Variants in PBX3 observed in about 807,000 individuals in gnomAD.
The protein encoded by PBX3 is pre-B-cell leukemia transcription factor 3.
A neutral mutation model predicts 48.5 loss-of-function variants in PBX3; 14 were observed. That is an observed-to-expected ratio of 0.29 (90% CI 0.19 to 0.45). The LOEUF is 0.45. PBX3 is among the 20% of genes least tolerant of loss of function. The pLI, the probability that PBX3 is intolerant of heterozygous loss-of-function variation, is 1.00. For synonymous variants in PBX3, 210 were observed against 200.3 expected, an observed-to-expected ratio of 1.05 and a Z score of -0.41; for missense variants, 386 against 546.7, an observed-to-expected ratio of 0.71 and a Z score of 2.93.
chr9:125,904,915 A>G (rs1841034929), intron 2 of PBX3, among the ~76,000 whole-genome samples: 1 of 151,936 alleles, frequency 6.6e-6, no homozygotes, highest in South Asian at 2.1e-4. Context: ...CCTGGAGCTT[A>G]TCCATCCTCT....
rs562357405 is a variant in PBX3 at position 125,780,377 on chromosome 9, C to T, written c.274+31754C>T. On this transcript the variant is annotated intron_variant, in intron 2 of 8. Transcript: ENST00000373489. ...TGGCTGGGCGGGGAGCTGACCCCAC[C>T]TCCCTCCCAGACGGGGCGGCTGGCC... 6.8e-5 allele frequency among the ~76,000 whole-genome samples: 9 copies of T among 132,096 alleles called. No homozygotes were observed. The South Asian group carries it at 2.2e-3, about 32-fold the overall frequency. The allele number at this position is 132,096 out of a possible 152,430, so 86.7% of individuals were successfully genotyped here.
At chr9:125,848,236 G>A (rs1383589558) in intron 2 of PBX3, among the ~76,000 whole-genome samples, 2 of 152,022 alleles carry the variant, frequency 1.3e-5, no homozygotes, top group African/African-American at 2.4e-5. Context: ...CAGTTCTCTG[G>A]ATTAGTACAT....
intron 2 of PBX3, chr9:125,749,526 C>T (rs992346250): frequency 6.7e-6 from 1 of 149,996 alleles, no homozygotes; most frequent in Non-Finnish European, 1.5e-5. Flanking sequence ...ATTAAACAAG[C>T]TCTACTGTTT....
intron 2 of PBX3, among the ~76,000 whole-genome samples, chr9:125,902,149 A>G (rs1840961075): frequency 6.6e-6 from 1 of 151,610 alleles, no homozygotes; most frequent in Non-Finnish European, 1.5e-5. Context: ...ATATTTATGC[A>G]AAGATGTTTG....
chr9:125,785,678 T>C (rs1837438906), intron 2 of PBX3, among the ~76,000 whole-genome samples: 1 of 152,262 alleles, frequency 6.6e-6, no homozygotes, highest in South Asian at 2.1e-4. Context: ...CCCTAATAAA[T>C]TCTCTTTCAT....
chr9:125,762,957 T>C (rs1836708350), intron 2 of PBX3, among the ~76,000 whole-genome samples: 1 of 152,190 alleles, frequency 6.6e-6, no homozygotes, highest in African/African-American at 2.4e-5. Context: ...TAGCCTTTAG[T>C]GCCTAGTCAA....
chr9:125,849,366 TAA>T (rs879292753), intron 2 of PBX3, among the ~76,000 whole-genome samples: 1 of 144,324 alleles, frequency 6.9e-6, no homozygotes. Flanking sequence ...ATGGTGGATT[TAA>T]AAAAAAAAAA....
chr9:125,789,420 C>A (rs1837540982), intron 2 of PBX3, among the ~76,000 whole-genome samples: 1 of 152,180 alleles, frequency 6.6e-6, no homozygotes, highest in Admixed American at 6.5e-5. Context: ...GTTTGCCTCT[C>A]TGCTCACTCA....
At chr9:125,793,064 AT>A (rs1837658326) in intron 2 of PBX3, among the ~76,000 whole-genome samples, 1 of 151,822 alleles carries the variant, frequency 6.6e-6, no homozygotes, top group South Asian at 2.1e-4. Flanking sequence ...TTTTAAAAAA[AT>A]ATATTGGCCA....
At chr9:125,929,950 A>C in intron 4 of PBX3, 105 bp downstream of exon 4, 1 of 827,520 alleles carries the variant, frequency 1.2e-6, no homozygotes, top group Non-Finnish European at 2.0e-6. Context: ...TTTTGGCCAT[A>C]TGAGTCTTTT....
At chr9:125,794,294 C>T (rs147899466) in intron 2 of PBX3, among the ~76,000 whole-genome samples, 1 of 152,312 alleles carries the variant, frequency 6.6e-6, no homozygotes, top group East Asian at 1.9e-4. Context: ...GATACTCACA[C>T]CCCACCTCAG....
At chr9:125,792,987 C>T (rs914822335) in intron 2 of PBX3, among the ~76,000 whole-genome samples, 9 of 151,832 alleles carry the variant, frequency 5.9e-5, no homozygotes, top group Non-Finnish European at 1.2e-4. Flanking sequence ...CGTGAGCCAC[C>T]GCGCCCGGCC....
intron 2 of PBX3, among the ~76,000 whole-genome samples, chr9:125,867,805 CACATATATATATACACAT>C (rs1325774067): frequency 2.0e-5 from 3 of 151,566 alleles, no homozygotes; most frequent in Non-Finnish European, 4.4e-5. Context: ...CATATATATA[CACATATATATATACACAT>C]ACATATATAT....
chr9:125,928,892 T>G (rs1210335678), intron 3 of PBX3, among the ~76,000 whole-genome samples: 1 of 151,796 alleles, frequency 6.6e-6, no homozygotes, highest in East Asian at 1.9e-4. Context: ...TACAGCTAAA[T>G]TATAATAGGT....
intron 2 of PBX3, among the ~76,000 whole-genome samples, chr9:125,901,592 G>A (rs1840947343): frequency 6.6e-6 from 1 of 151,688 alleles, no homozygotes; most frequent in South Asian, 2.1e-4. Context: ...ATAAATAAAA[G>A]GAGATTGAGC....
rs760182020 is a variant in PBX3, at chr9:125,915,930, C to T, written c.516+3C>T. On this transcript the variant is annotated splice_donor_region_variant and intron_variant, in intron 3 of 8. Coordinates refer to ENST00000373489, the MANE Select transcript of PBX3 (RefSeq NM_006195.6). ...CAGAACTGGAGAAATATGAACAGGT[C>T]AGCAGCCGCCACTCTCATAGTCCTA... is the stretch of plus-strand genomic sequence containing the variant. 1 of 1,611,172 alleles carries T rather than the reference C, an allele frequency of 6.2e-7. No homozygotes were observed. The highest frequency in any genetic ancestry group is 1.1e-5 in the South Asian group (1 of 90,856).
intron 8 of PBX3, among the ~76,000 whole-genome samples, chr9:125,965,438 T>C (rs977974192): frequency 6.6e-6 from 1 of 152,204 alleles, no homozygotes; most frequent in African/African-American, 2.4e-5. Flanking sequence ...GAAATGATGA[T>C]TAAGCCGGGG....
In PBX3 at chr9:125,747,432, G is replaced by T; in HGVS notation, c.-22G>T. The T allele has an allele frequency of 7.9e-7, 1 of 1,267,046 alleles. No homozygotes were observed. Among genetic ancestry groups the T allele is most frequent in the Non-Finnish European group, 1.0e-6 (1 of 984,196 alleles). 78.5% of individuals were successfully genotyped at this position (1,267,046 alleles called of 1,614,324 possible). A position where few individuals can be genotyped will look rare whatever the true frequency, so the allele number is the denominator to read the frequency against. On this transcript the variant is annotated 5_prime_UTR_variant, in exon 1 of 9. Coordinates refer to ENST00000373489, the MANE Select transcript of PBX3 (RefSeq NM_006195.6). The stretch of plus-strand genomic sequence containing the variant: ...TCAGCCTTCGCCTCAGCCGCCGCCC[G>T]CTCCCGCCCGCGCGCGGCGGGATGG...
intron 2 of PBX3, among the ~76,000 whole-genome samples, chr9:125,823,642 A>G (rs1184305876): frequency 1.3e-5 from 2 of 152,148 alleles, no homozygotes; most frequent in Admixed American, 1.3e-4. Flanking sequence ...CTTTTTTAAA[A>G]AAAGAAAGAA....
Sources: gnomAD v4.1 joint callset for allele counts (sites outside exome capture counted in the v4.1 genomes callset) on GRCh38, gnomAD v4.1.1 for gene constraint, MANE v1.5 for transcripts, NCBI Gene and HGNC (gene_info 2026-07-23, HGNC 2026-07-21) for gene names.